CALCOCO2: variants seen among roughly 807,000 people sequenced by gnomAD.
CALCOCO2 encodes calcium binding and coiled-coil domain 2.
CALCOCO2 carries 42 observed loss-of-function variants against 62.5 expected under a neutral mutation model. The ratio of observed to expected loss-of-function variants is 0.67; its 90% CI spans 0.53 to 0.87. The LOEUF is 0.87. CALCOCO2 is among the 40% of genes least tolerant of loss of function. CALCOCO2 has a pLI of 0.00. For missense variants in CALCOCO2, 456 were observed against 515.0 expected (o/e 0.89, Z 1.11); for synonymous variants, 167 against 173.0 (o/e 0.97, Z 0.27).
intron 1 of CALCOCO2, chr17:48,832,021 C>T (rs2039820808): frequency 1.3e-5 from 2 of 152,110 alleles, no homozygotes; most frequent in Non-Finnish European, 2.9e-5. Context: ...AAAAGGTAGT[C>T]GATAATCCTG....
At chr17:48,850,957 A>T in intron 5 of CALCOCO2, 132 bp from the exon 6 acceptor site, 1 of 590,046 alleles carries the variant, frequency 1.7e-6, no homozygotes. Flanking sequence ...TTATTTGAGT[A>T]TTTCATTTAC....
chr17:48,861,604 T>C (rs2040326740), intron 11 of CALCOCO2, among the ~76,000 whole-genome samples: 1 of 149,738 alleles, frequency 6.7e-6, no homozygotes, highest in African/African-American at 2.5e-5. Flanking sequence ...AATAGCTTTG[T>C]TGTTTTTTTC....
At chr17:48,854,390 A>T (rs1598041101) in intron 9 of CALCOCO2, among the ~76,000 whole-genome samples, 1 of 3,944 alleles carries the variant, frequency 2.5e-4, no homozygotes, top group African/African-American at 3.5e-4. Flanking sequence ...ATTTATATAT[A>T]TATATATTTT....
At chr17:48,843,447 C>T (rs1343872509) in intron 2 of CALCOCO2, among the ~76,000 whole-genome samples, 1 of 152,212 alleles carries the variant, frequency 6.6e-6, no homozygotes, top group African/African-American at 2.4e-5. Flanking sequence ...TGAAATCAGA[C>T]ACCATTCTCA....
At chr17:48,848,486 C>T (rs756366552) in intron 4 of CALCOCO2, 31 bp downstream of exon 4, 2 of 1,597,650 alleles carry the variant, frequency 1.3e-6, no homozygotes, top group South Asian at 1.1e-5. Flanking sequence ...CAATCCCTTA[C>T]TGCCATTACG....
At chr17:48,850,314 A>G (rs775856280) in intron 5 of CALCOCO2, among the ~76,000 whole-genome samples, 2 of 151,358 alleles carry the variant, frequency 1.3e-5, no homozygotes, top group Non-Finnish European at 2.9e-5. Flanking sequence ...AAAATTAGCC[A>G]GGCATGGTGG....
rs573456839 is a variant in CALCOCO2 at position 48,861,661 on chromosome 17, G to GTGTATATATATATATATATATATATATA, written c.1145-614_1145-613insGTATATATATATATATATATATATATAT. ...TATGTATATATATATATGTGTGTGT[G>GTGTATATATATATATATATATATATATA]TATATATATATATATAAAGCCTGTG... On this transcript the variant is annotated intron_variant, in intron 11 of 12. Coordinates refer to ENST00000258947, the MANE Select transcript of CALCOCO2 (RefSeq NM_005831.5). 4.7e-4 allele frequency among the ~76,000 whole-genome samples: 64 copies of GTGTATATATATATATATATATATATATA among 135,076 alleles called. 1 individual carries two copies. The highest frequency in any genetic ancestry group is 1.8e-3 in the African/African-American group (61 of 33,950). 88.6% of individuals were successfully genotyped at this position (135,076 alleles called of 152,430 possible).
In CALCOCO2 at chr17:48,848,089, A is replaced by G. The variant is rs2040076662; in HGVS notation, c.206A>G (p.Tyr69Cys). Residue 69 changes from tyrosine to cysteine, a missense_variant, in exon 3 of 13, where the codon TAT becomes TGT. Physicochemically the swap from Tyr to Cys is radical, Grantham distance 194. Coordinates refer to ENST00000258947, the MANE Select transcript of CALCOCO2 (RefSeq NM_005831.5). ...FRVGWKTTRE[Y>C]YTFMWVTLPI... Reference sequence around the variant, plus strand: ...GTGGGGTGGAAGACAACCCGTGAGTATTACACCTTCATGTGGGTTACTTTG... The same window carrying G: ...GTGGGGTGGAAGACAACCCGTGAGTGTTACACCTTCATGTGGGTTACTTTG... 2 of 1,612,282 alleles carry G rather than the reference A, an allele frequency of 1.2e-6. No individual in the cohort carries two copies. The highest frequency in any genetic ancestry group is 1.7e-6 in the Non-Finnish European group (2 of 1,178,292).
chr17:48,864,066 C>CTTTTTTTTTT lies in CALCOCO2; in HGVS notation c.*1071_*1080dup, dbSNP rs35356632. ...TCCAAGGCCCTGGCTTGCTTTCTTT[C>CTTTTTTTTTT]TTTTTTTTTTTTTTTTTTTGAAACA... On this transcript the variant is annotated 3_prime_UTR_variant, in exon 13 of 13. Transcript: ENST00000258947. 5 of 126,494 alleles carry CTTTTTTTTTT rather than the reference C, an allele frequency of 4.0e-5. No individual in the cohort carries two copies. Among genetic ancestry groups the CTTTTTTTTTT allele is most frequent in the Admixed American group, 8.7e-5 (1 of 11,438 alleles). The allele number at this position is 126,494 out of a possible 1,614,324, so 7.8% of individuals were successfully genotyped here.
chr17:48,838,732 T>TAA (rs1245117605), intron 1 of CALCOCO2, among the ~76,000 whole-genome samples: 1 of 152,032 alleles, frequency 6.6e-6, no homozygotes, highest in East Asian at 1.9e-4. Context: ...TATATATATA[T>TAA]AACAATTACA....
intron 4 of CALCOCO2, 150 bp from the exon 5 acceptor site, chr17:48,849,102 C>G: frequency 1.5e-6 from 1 of 681,754 alleles, no homozygotes; most frequent in South Asian, 1.8e-5. Flanking sequence ...TCTGTTATAC[C>G]CTTACCTAGG....
rs1379174229 is a variant in CALCOCO2, at chr17:48,863,030, C to T, written c.*25C>T. The T allele has an allele frequency of 6.5e-6, 10 of 1,548,706 alleles. No individual in the cohort carries two copies. Among genetic ancestry groups the T allele is most frequent in the Non-Finnish European group, 8.9e-6 (10 of 1,120,812 alleles). ...AGTATCCCAACCTCTTGGATGTATA[C>T]AGAGATTTTATAGAATAGAACCTAT... On this transcript the variant is annotated 3_prime_UTR_variant, in exon 13 of 13. Coordinates refer to ENST00000258947, the MANE Select transcript of CALCOCO2 (RefSeq NM_005831.5).
At chr17:48,843,010 A>G (rs2039996753) in intron 2 of CALCOCO2, among the ~76,000 whole-genome samples, 1 of 152,152 alleles carries the variant, frequency 6.6e-6, no homozygotes, top group African/African-American at 2.4e-5. Context: ...CTTACTTGGT[A>G]TGATGTTTAG....
At position 48,857,794 on chromosome 17, in the gene CALCOCO2, G is replaced by A. The variant is rs190049675; in HGVS notation, c.1008+1607G>A. 7.9e-3 allele frequency among the ~76,000 whole-genome samples: 1,167 copies of A among 146,832 alleles called. 29 individuals are homozygous for A. The East Asian group carries it at 0.11, about 14-fold the overall frequency. The stretch of plus-strand genomic sequence containing the variant: ...TCGAGACCATCCTGGCTAACACAGT[G>A]AAACCCCGTCTCTACTAAAAATACA... On this transcript the variant is annotated intron_variant, in intron 10 of 12. Coordinates refer to ENST00000258947, the MANE Select transcript of CALCOCO2 (RefSeq NM_005831.5).
intron 5 of CALCOCO2, 65 bp from the exon 6 acceptor site, chr17:48,851,024 G>A: frequency 3.5e-6 from 3 of 859,362 alleles, no homozygotes; most frequent in Middle Eastern, 2.4e-4. Flanking sequence ...TTTGTTGCCT[G>A]CCTAAGATAC....
chr17:48,853,235 A>G (rs2040159678), intron 9 of CALCOCO2: 1 of 469,726 alleles, frequency 2.1e-6, no homozygotes, highest in South Asian at 2.4e-5. Context: ...TGCAAGTTAA[A>G]CTTCATGACA....
At chr17:48,854,396 A>ATTTTTTTT in intron 9 of CALCOCO2, among the ~76,000 whole-genome samples, 4 of 1,914 alleles carry the variant, frequency 2.1e-3, no homozygotes, top group African/African-American at 3.3e-3. Context: ...ATATATATAT[A>ATTTTTTTT]TTTTTTTTTT....
intron 10 of CALCOCO2, among the ~76,000 whole-genome samples, chr17:48,859,797 T>C (rs1366694885): frequency 6.6e-6 from 1 of 152,128 alleles, no homozygotes; most frequent in East Asian, 1.9e-4. Context: ...AGTAAATATA[T>C]TTAAATTCAG....
intron 1 of CALCOCO2, among the ~76,000 whole-genome samples, chr17:48,834,497 A>G (rs2039862854): frequency 6.6e-6 from 1 of 152,112 alleles, no homozygotes; most frequent in African/African-American, 2.4e-5. Context: ...TTCATTCCTT[A>G]TGTGGCCAAT....
Sources: gnomAD v4.1 joint callset for allele counts (sites outside exome capture counted in the v4.1 genomes callset) on GRCh38, gnomAD v4.1.1 for gene constraint, MANE v1.5 for transcripts, NCBI Gene and HGNC (gene_info 2026-07-23, HGNC 2026-07-21) for gene names.